Variants in FGFR1OP2 observed in about 807,000 individuals in gnomAD.
The protein encoded by FGFR1OP2 is FGFR1 oncogene partner 2.
Under a neutral mutation model 35.2 loss-of-function variants are expected in FGFR1OP2, and 17 were observed. The observed-to-expected ratio is 0.48, with a 90% CI of 0.33 to 0.73. The LOEUF is 0.73. Ranked by LOEUF, FGFR1OP2 falls within the 30% of genes least tolerant of loss-of-function variation. The probability of loss-of-function intolerance (pLI) is 0.02; values close to 1 mark genes in which losing one functional copy is unlikely to be tolerated. For missense variants in FGFR1OP2, 251 were observed against 307.3 expected (o/e 0.82, Z 1.37); for synonymous variants, 105 against 104.6 (o/e 1.00, Z -0.03).
rs556053424 is a variant in FGFR1OP2, at chr12:26,945,653, G to A, written c.-15+6943G>A. ...AGGCGGGCAGATCACCTGAGGTCAG[G>A]CGTTCAGGACCAGCCTGGCCAACGT... On this transcript the variant is annotated intron_variant, in intron 1 of 6. Coordinates refer to ENST00000229395, the MANE Select transcript of FGFR1OP2 (RefSeq NM_015633.3). 5.3e-5 allele frequency among the ~76,000 whole-genome samples: 8 copies of A among 152,254 alleles called. No individual in the cohort carries two copies. The South Asian group carries it at 1.7e-3, about 32-fold the overall frequency.
intron 4 of FGFR1OP2, 87 bp downstream of exon 4, chr12:26,957,830 G>T: frequency 1.7e-6 from 2 of 1,174,096 alleles, no homozygotes; most frequent in Non-Finnish European, 2.3e-6. Flanking sequence ...AAAAATCACA[G>T]GTATCTAGTA....
intron 5 of FGFR1OP2, 155 bp downstream of exon 5, chr12:26,960,783 G>A: frequency 8.3e-7 from 1 of 1,207,512 alleles, no homozygotes; most frequent in Non-Finnish European, 1.1e-6. Context: ...GCTGTTCAGT[G>A]TAGAAACTTT....
chr12:26,943,784 C>T (rs1347438948), intron 1 of FGFR1OP2, among the ~76,000 whole-genome samples: 3 of 152,070 alleles, frequency 2.0e-5, no homozygotes, highest in African/African-American at 4.8e-5. Flanking sequence ...AAGATCGTAC[C>T]GCTGCACTCC....
chr12:26,957,178 A>C (rs184063222), intron 3 of FGFR1OP2, among the ~76,000 whole-genome samples: 1 of 152,282 alleles, frequency 6.6e-6, no homozygotes, highest in African/African-American at 2.4e-5. Flanking sequence ...CCTGCTTAGA[A>C]GGTCCATTCC....
In FGFR1OP2 at chr12:26,965,080, C is replaced by T. The variant is rs1939156632; in HGVS notation, c.*347C>T. 1 of 169,994 alleles carries T rather than the reference C, an allele frequency of 5.9e-6. No homozygotes were observed. Among genetic ancestry groups the T allele is most frequent in the Admixed American group, 6.3e-5 (1 of 15,978 alleles). The allele number at this position is 169,994 out of a possible 1,614,324, so 10.5% of individuals were successfully genotyped here. A position where few individuals can be genotyped will look rare whatever the true frequency, so the allele number is the denominator to read the frequency against. ...TGTTTGAGAATGCATAAAATTATAC[C>T]AATTTAAAAATATAAATTTTTGCCA... On this transcript the variant is annotated 3_prime_UTR_variant, in exon 7 of 7. Transcript: ENST00000229395.
intron 1 of FGFR1OP2, among the ~76,000 whole-genome samples, chr12:26,941,875 G>T (rs1273231032): frequency 6.6e-6 from 1 of 152,108 alleles, no homozygotes; most frequent in Non-Finnish European, 1.5e-5. Flanking sequence ...TTTTCCACCT[G>T]ATGAGATTGA....
chr12:26,953,415 A>G (rs1039055526), intron 1 of FGFR1OP2: 5 of 152,116 alleles, frequency 3.3e-5, no homozygotes, highest in Admixed American at 2.0e-4. Context: ...GAAGCTGACA[A>G]TTGACTGTTT....
chr12:26,964,109 T>C (rs1406696027), intron 6 of FGFR1OP2, among the ~76,000 whole-genome samples: 1 of 152,140 alleles, frequency 6.6e-6, no homozygotes, highest in African/African-American at 2.4e-5. Flanking sequence ...CCAGATTTGG[T>C]CACTTACTTT....
intron 1 of FGFR1OP2, 41 bp from the exon 2 acceptor site, chr12:26,954,104 G>C: frequency 7.1e-7 from 1 of 1,404,766 alleles, no homozygotes; most frequent in African/African-American, 1.5e-5. Context: ...AAAGAGATAT[G>C]TTGACTTTAT....
chr12:26,957,352 G>A (rs1939037816), intron 3 of FGFR1OP2, among the ~76,000 whole-genome samples: 1 of 152,156 alleles, frequency 6.6e-6, no homozygotes, highest in Non-Finnish European at 1.5e-5. Context: ...CCTTAATATA[G>A]AGGGAGCCTT....
At chr12:26,946,508 G>C (rs1292808447) in intron 1 of FGFR1OP2, among the ~76,000 whole-genome samples, 4 of 152,020 alleles carry the variant, frequency 2.6e-5, no homozygotes, top group Non-Finnish European at 5.9e-5. Flanking sequence ...GGTGGGGTTT[G>C]GCCATGTTTC....
chr12:26,962,519 T>G (rs771966621), intron 5 of FGFR1OP2: 3 of 152,156 alleles, frequency 2.0e-5, no homozygotes, highest in Non-Finnish European at 4.4e-5. Flanking sequence ...AAATGATTAT[T>G]CTCGAGTTTC....
chr12:26,954,188 C>T lies in FGFR1OP2; in HGVS notation c.30C>T (p.Ala10=), dbSNP rs753467930. The part of the protein sequence containing the change: MSCTIEKAL[A]DAKALVERLR... ...GTTGCACAATTGAGAAGGCACTTGC[C>T]GACGCTAAAGCTCTTGTTGAAAGAT... Residue 10 remains alanine (A), a synonymous_variant, in exon 2 of 7, where the codon GCC becomes GCT. Coordinates refer to ENST00000229395, the MANE Select transcript of FGFR1OP2 (RefSeq NM_015633.3). The T allele has an allele frequency of 4.2e-5, 67 of 1,604,630 alleles. No individual in the cohort carries two copies. Among genetic ancestry groups the T allele is most frequent in the Non-Finnish European group, 5.3e-5 (62 of 1,175,480 alleles).
Position 26,964,955 on chromosome 12 carries a change from GAA to G in FGFR1OP2, c.*225_*226del, listed in dbSNP as rs1476640205. On this transcript the variant is annotated 3_prime_UTR_variant, in exon 7 of 7. Coordinates refer to ENST00000229395, the MANE Select transcript of FGFR1OP2 (RefSeq NM_015633.3). ...AGCCATTGCCAAATGGTAAAGAAATGAAAAGTTTTCACAGTGACTACTGAATA... is the reference window on the plus strand; with the variant it reads ...AGCCATTGCCAAATGGTAAAGAAATGAAGTTTTCACAGTGACTACTGAATA... 2.3e-6 allele frequency: 1 copy of G among 435,930 alleles called. No individual in the cohort carries two copies. The highest frequency in any genetic ancestry group is 4.0e-6 in the Non-Finnish European group (1 of 248,696). 27.0% of individuals were successfully genotyped at this position (435,930 alleles called of 1,614,324 possible).
chr12:26,955,985 A>C (rs868272827), intron 2 of FGFR1OP2, among the ~76,000 whole-genome samples: 4 of 152,166 alleles, frequency 2.6e-5, no homozygotes, highest in African/African-American at 9.7e-5. Flanking sequence ...GCGGCCCAGC[A>C]CAAATTCACA....
chr12:26,947,706 A>C (rs1031135357), intron 1 of FGFR1OP2, among the ~76,000 whole-genome samples: 1 of 152,058 alleles, frequency 6.6e-6, no homozygotes, highest in African/African-American at 2.4e-5. Context: ...TAACCTACCC[A>C]TATCATATTT....
rs940124183 is a variant in FGFR1OP2 at position 26,938,661 on chromosome 12, G to GT, written c.-61dup. ...GTGCATAGGTCCCGGTTGGTAGAGG[G>GT]TTTGAGTCCGCATCGCCACAGCTGA... On this transcript the variant is annotated 5_prime_UTR_variant, in exon 1 of 7. Transcript: ENST00000229395. The GT allele has an allele frequency of 1.3e-5, 2 of 152,504 alleles. No homozygotes were observed. The highest frequency in any genetic ancestry group is 2.9e-5 in the Non-Finnish European group (2 of 68,222). 9.4% of individuals were successfully genotyped at this position (152,504 alleles called of 1,614,324 possible). A position where few individuals can be genotyped will look rare whatever the true frequency, so the allele number is the denominator to read the frequency against.
At chr12:26,940,047 A>G (rs908892040) in intron 1 of FGFR1OP2, among the ~76,000 whole-genome samples, 1 of 152,220 alleles carries the variant, frequency 6.6e-6, no homozygotes, top group Non-Finnish European at 1.5e-5. Flanking sequence ...TATGCTTTTA[A>G]ATGATTTTGT....
intron 6 of FGFR1OP2, 102 bp from the exon 7 acceptor site, chr12:26,964,494 T>C (rs1939145789): frequency 2.3e-6 from 3 of 1,317,806 alleles, no homozygotes; most frequent in South Asian, 2.9e-5. Context: ...ACCTTGCTTG[T>C]TTGTTATACC....
Sources: gnomAD v4.1 joint callset for allele counts (sites outside exome capture counted in the v4.1 genomes callset) on GRCh38, gnomAD v4.1.1 for gene constraint, MANE v1.5 for transcripts, NCBI Gene and HGNC (gene_info 2026-07-23, HGNC 2026-07-21) for gene names.